Variants in FKBP7 observed in about 807,000 individuals in gnomAD.
FKBP7 encodes FKBP prolyl isomerase 7.
In FKBP7, 24 loss-of-function variants were observed where a neutral mutation model predicts 24.3. That is an observed-to-expected ratio of 0.99 (90% confidence interval 0.72 to 1.39). FKBP7 has a LOEUF of 1.39. Among genes scored for constraint, FKBP7 ranks in the 40% most tolerant of loss-of-function variants. The pLI, the probability that FKBP7 is intolerant of heterozygous loss-of-function variation, is 0.00. For missense variants in FKBP7, 257 were observed against 269.5 expected, an observed-to-expected ratio of 0.95 and a Z score of 0.33; for synonymous variants, 98 against 92.8, an observed-to-expected ratio of 1.06 and a Z score of -0.32.
At chr2:178,471,326 C>T (rs1684842870) in intron 2 of FKBP7, among the ~76,000 whole-genome samples, 3 of 151,980 alleles carry the variant, frequency 2.0e-5, no homozygotes, top group South Asian at 2.1e-4. Flanking sequence ...TCTCCTGCCT[C>T]AGCCTCCCGA....
At position 178,464,662 on chromosome 2, in the gene FKBP7, C is replaced by T. The variant is rs1185024380; in HGVS notation, c.*1108G>A. Reference sequence around the variant, plus strand: ...TTTCAAGATGAGATTTGGGTGTGGACACAAAGCCTGACCATACCATGCAGT... The same window carrying T: ...TTTCAAGATGAGATTTGGGTGTGGATACAAAGCCTGACCATACCATGCAGT... On this transcript the variant is annotated 3_prime_UTR_variant, in exon 4 of 4. Coordinates refer to ENST00000424785, the MANE Select transcript of FKBP7 (RefSeq NM_181342.3). 1 of 152,192 alleles carries T rather than the reference C, an allele frequency of 6.6e-6. No homozygotes were observed. The highest frequency in any genetic ancestry group is 1.5e-5 in the Non-Finnish European group (1 of 68,028). 9.4% of individuals were successfully genotyped at this position (152,192 alleles called of 1,614,324 possible).
intron 3 of FKBP7, among the ~76,000 whole-genome samples, chr2:178,468,969 C>T (rs993127313): frequency 2.0e-5 from 3 of 151,572 alleles, no homozygotes; most frequent in Non-Finnish European, 2.9e-5. Flanking sequence ...TGGGCTCAAG[C>T]GATCCTCCTA....
intron 2 of FKBP7, among the ~76,000 whole-genome samples, chr2:178,476,714 A>ATTTTTT (rs35360731): frequency 1.4e-4 from 17 of 122,528 alleles, no homozygotes; most frequent in Admixed American, 3.5e-4. Flanking sequence ...ATTCCATTTC[A>ATTTTTT]TTTTTTTTTT....
In FKBP7 at chr2:178,474,845, G is replaced by A. The variant is rs562810362; in HGVS notation, c.373+2217C>T. On this transcript the variant is annotated intron_variant, in intron 2 of 3. Coordinates refer to ENST00000424785, the MANE Select transcript of FKBP7 (RefSeq NM_181342.3). ...TGGGACCACAGGCGGATACCGCCAC[G>A]CCTGGCTAACTTTTTAATTTTCTGT... 4.6e-5 allele frequency among the ~76,000 whole-genome samples: 7 copies of A among 152,206 alleles called. 1 individual carries two copies. The highest frequency in any genetic ancestry group is 1.4e-4 in the African/African-American group (6 of 41,536).
intron 2 of FKBP7, among the ~76,000 whole-genome samples, chr2:178,472,617 G>A (rs577734001): frequency 1.3e-5 from 2 of 151,872 alleles, no homozygotes; most frequent in Non-Finnish European, 2.9e-5. Flanking sequence ...TGGCCAGGAG[G>A]GCGAGATCAG....
rs747766498 is a variant in FKBP7 at position 178,478,316 on chromosome 2, C to A, written c.184G>T (p.Gly62Cys). ...TTCGAGCCGTCTTTAGCCAGGTAGC[C>A]GTCATAATGGGCATTTAGTAGGTCT... ...KGDLLNAHYD[G>C]YLAKDGSKFY... Residue 62 changes from glycine to cysteine, a missense_variant, in exon 1 of 4, where the codon GGC (glycine) becomes TGC (cysteine). By Grantham distance (159) the Gly-to-Cys change is radical. Coordinates refer to ENST00000424785, the MANE Select transcript of FKBP7 (RefSeq NM_181342.3). 1.2e-6 allele frequency: 2 copies of A among 1,613,986 alleles called. No homozygotes were observed. The highest frequency in any genetic ancestry group is 3.3e-5 in the Admixed American group (2 of 60,004).
At chr2:178,471,108 G>C (rs942678959) in intron 2 of FKBP7, among the ~76,000 whole-genome samples, 8 of 151,188 alleles carry the variant, frequency 5.3e-5, no homozygotes, top group African/African-American at 1.5e-4. Context: ...CAGGTGATCC[G>C]CTTGCCTTGG....
rs981994617 is a variant in FKBP7, at chr2:178,464,053, G to A, written c.*1717C>T. 2.0e-4 allele frequency: 31 copies of A among 152,202 alleles called. No homozygotes were observed. Among genetic ancestry groups the A allele is most frequent in the African/African-American group, 7.0e-4 (29 of 41,426 alleles). The allele number at this position is 152,202 out of a possible 1,614,324, so 9.4% of individuals were successfully genotyped here. Reference sequence around the variant, plus strand: ...AGTACAGATTCTTGTTTTATAAGGTGTCAAATTATGTGCTAGCCATATGTA... The same window carrying A: ...AGTACAGATTCTTGTTTTATAAGGTATCAAATTATGTGCTAGCCATATGTA... On this transcript the variant is annotated 3_prime_UTR_variant, in exon 4 of 4. Coordinates refer to ENST00000424785, the MANE Select transcript of FKBP7 (RefSeq NM_181342.3).
intron 2 of FKBP7, among the ~76,000 whole-genome samples, chr2:178,470,689 G>A (rs1006170780): frequency 2.0e-5 from 3 of 151,612 alleles, no homozygotes; most frequent in Non-Finnish European, 2.9e-5. Context: ...TGGCTCACAC[G>A]TGTAATTCTA....
At chr2:178,465,989 A>G in intron 3 of FKBP7, 58 bp from the exon 4 acceptor site, 1 of 1,401,422 alleles carries the variant, frequency 7.1e-7, no homozygotes, top group Non-Finnish European at 9.6e-7. Flanking sequence ...ATTTCCAGTA[A>G]CTTTAAGGAA....
At chr2:178,478,210 C>T in intron 1 of FKBP7, 69 bp downstream of exon 1, 1 of 1,570,944 alleles carries the variant, frequency 6.4e-7, no homozygotes, top group South Asian at 1.1e-5. Flanking sequence ...ACCAATGAGG[C>T]TTCCGCTTGG....
intron 2 of FKBP7, among the ~76,000 whole-genome samples, chr2:178,472,650 A>G (rs1174712940): frequency 6.6e-6 from 1 of 151,654 alleles, no homozygotes; most frequent in Non-Finnish European, 1.5e-5. Flanking sequence ...GGAGTTCGAG[A>G]CCAGCCTGGC....
chr2:178,469,792 G>T lies in FKBP7; in HGVS notation c.374-7C>A. On this transcript the variant is annotated splice_region_variant and splice_polypyrimidine_tract_variant and intron_variant, in intron 2 of 3. Transcript: ENST00000424785. ...GGTGGAATCTTGCCTTCTGCTAAGGGTATAAATTTTAACAGTTTAACTTAT... is the reference window on the plus strand; with the variant it reads ...GGTGGAATCTTGCCTTCTGCTAAGGTTATAAATTTTAACAGTTTAACTTAT... 6.2e-7 allele frequency: 1 copy of T among 1,609,958 alleles called. No individual in the cohort carries two copies. Among genetic ancestry groups the T allele is most frequent in the South Asian group, 1.1e-5 (1 of 90,180 alleles).
rs1685029756 is a variant in FKBP7, at chr2:178,477,073, T to C, written c.362A>G (p.Lys121Arg). Residue 121 changes from lysine (K) to arginine (R), a missense_variant, in exon 2 of 4, where the codon AAG becomes AGG. By Grantham distance (26) the Lys-to-Arg change is conservative. Coordinates refer to ENST00000424785, the MANE Select transcript of FKBP7 (RefSeq NM_181342.3). ...ATTAAACATCTTACCATAGCCTTCC[T>C]TTCCGTATGCAAATGAAGGGGGTAT... ...VVIPPSFAYG[K>R]EGYAEGKIPP... The C allele has an allele frequency of 1.3e-6, 2 of 1,593,896 alleles. No individual in the cohort carries two copies. The highest frequency in any genetic ancestry group is 1.7e-6 in the Non-Finnish European group (2 of 1,174,096).
chr2:178,471,425 C>G (rs908930410), intron 2 of FKBP7, among the ~76,000 whole-genome samples: 4 of 152,110 alleles, frequency 2.6e-5, no homozygotes, highest in African/African-American at 9.7e-5. Flanking sequence ...GTTGGCCAGG[C>G]TGGTCTCAAA....
Position 178,463,819 on chromosome 2 carries a change from AG to A in FKBP7, c.*1950del, listed in dbSNP as rs1230392597. ...TGGGACAAAAAAATTAGAATTACAA[AG>A]TTTAGATTATAGGGTGACTTCTTAA... On this transcript the variant is annotated 3_prime_UTR_variant, in exon 4 of 4. Coordinates refer to ENST00000424785, the MANE Select transcript of FKBP7 (RefSeq NM_181342.3). 6.6e-6 allele frequency: 1 copy of A among 152,218 alleles called. No homozygotes were observed. The highest frequency in any genetic ancestry group is 1.5e-5 in the Non-Finnish European group (1 of 68,034). The allele number at this position is 152,218 out of a possible 1,614,324, so 9.4% of individuals were successfully genotyped here. A position where few individuals can be genotyped will look rare whatever the true frequency, so the allele number is the denominator to read the frequency against.
At position 178,464,136 on chromosome 2, in the gene FKBP7, T is replaced by C. The variant is rs1378949347; in HGVS notation, c.*1634A>G. On this transcript the variant is annotated 3_prime_UTR_variant, in exon 4 of 4. Coordinates refer to ENST00000424785, the MANE Select transcript of FKBP7 (RefSeq NM_181342.3). ...ATGTATACTTTTGTTTGTTTTTGTA[T>C]GTACTCATCTGAAAGCCCTCTATTT... is the stretch of plus-strand genomic sequence containing the variant. 6.6e-6 allele frequency: 1 copy of C among 152,210 alleles called. No individual in the cohort carries two copies. Among genetic ancestry groups the C allele is most frequent in the African/African-American group, 2.4e-5 (1 of 41,448 alleles). 9.4% of individuals were successfully genotyped at this position (152,210 alleles called of 1,614,324 possible). A position where few individuals can be genotyped will look rare whatever the true frequency, so the allele number is the denominator to read the frequency against.
In FKBP7 at chr2:178,478,382, A is replaced by T; in HGVS notation, c.118T>A (p.Leu40Met). 6.2e-7 allele frequency: 1 copy of T among 1,614,160 alleles called. No individual in the cohort carries two copies. The highest frequency in any genetic ancestry group is 8.5e-7 in the Non-Finnish European group (1 of 1,180,042). Residue 40 changes from leucine (L) to methionine (M), a missense_variant, in exon 1 of 4, where the codon TTG becomes ATG. By Grantham distance (15) the Leu-to-Met change is conservative (BLOSUM62 2). Coordinates refer to ENST00000424785, the MANE Select transcript of FKBP7 (RefSeq NM_181342.3). Reference protein sequence around the residue: ...ESTEEVKIEVLHRPENCSKTS... With the variant: ...ESTEEVKIEVMHRPENCSKTS... Reference sequence around the variant, plus strand: ...TTAGAGCAGTTTTCTGGACGATGCAAAACTTCTATTTTCACTTCTTCGGTG... The same window carrying T: ...TTAGAGCAGTTTTCTGGACGATGCATAACTTCTATTTTCACTTCTTCGGTG...
intron 2 of FKBP7, among the ~76,000 whole-genome samples, chr2:178,476,381 C>T (rs1685001255): frequency 2.6e-5 from 4 of 151,950 alleles, no homozygotes; most frequent in Admixed American, 2.6e-4. Context: ...ATAAAATTTA[C>T]CATCATAACA....
Sources: allele counts gnomAD v4.1 joint callset (sites outside exome capture counted in the v4.1 genomes callset), GRCh38; gene constraint gnomAD v4.1.1; transcripts MANE v1.5; gene names NCBI Gene and HGNC (gene_info 2026-07-23, HGNC 2026-07-21).